SYNDIG1: variants seen among roughly 807,000 people sequenced by gnomAD.
SYNDIG1 encodes the protein synapse differentiation-inducing gene protein 1.
A neutral mutation model predicts 19.4 loss-of-function variants in SYNDIG1; 9 were observed. The observed-to-expected ratio is 0.46, with a 90% CI of 0.28 to 0.81. SYNDIG1 has a LOEUF of 0.81. Among genes scored for constraint, SYNDIG1 ranks in the 30% least tolerant of loss-of-function variants. The probability of loss-of-function intolerance (pLI) is 0.12; values close to 1 mark genes in which losing one functional copy is unlikely to be tolerated. For synonymous variants in SYNDIG1, 141 were observed against 145.9 expected (o/e 0.97, Z 0.24); for missense variants, 311 against 343.3 (o/e 0.91, Z 0.74).
chr20:24,582,156 A>C (rs1445462753), intron 2 of SYNDIG1, among the ~76,000 whole-genome samples: 48 of 46,042 alleles, frequency 1.0e-3, no homozygotes, highest in Admixed American at 1.4e-3. Context: ...CTCCCTCCCC[A>C]CTGCACTCCC....
At chr20:24,596,184 C>G (rs531174718) in intron 3 of SYNDIG1, among the ~76,000 whole-genome samples, 175 of 152,210 alleles carry the variant, frequency 1.1e-3, no homozygotes, top group Middle Eastern at 6.8e-3. Flanking sequence ...TCAAAGAATT[C>G]CTTGATTTCT....
At chr20:24,512,278 A>G (rs750598992) in intron 1 of SYNDIG1, among the ~76,000 whole-genome samples, 2 of 151,126 alleles carry the variant, frequency 1.3e-5, no homozygotes, top group Non-Finnish European at 2.9e-5. Flanking sequence ...ACTGGGGATC[A>G]TCGGACAGTG....
chr20:24,508,990 C>G (rs1236431489), intron 1 of SYNDIG1, among the ~76,000 whole-genome samples: 1 of 152,166 alleles, frequency 6.6e-6, no homozygotes, highest in Non-Finnish European at 1.5e-5. Context: ...AACATGGAGT[C>G]AAAAGACCAT....
intron 2 of SYNDIG1, among the ~76,000 whole-genome samples, chr20:24,583,346 C>T (rs2058361120): frequency 6.6e-6 from 1 of 152,164 alleles, no homozygotes; most frequent in Non-Finnish European, 1.5e-5. Flanking sequence ...AAGAAATGGC[C>T]CTGACACTGC....
chr20:24,471,332 G>C (rs1013768341), intron 1 of SYNDIG1, among the ~76,000 whole-genome samples: 1 of 152,032 alleles, frequency 6.6e-6, no homozygotes, highest in African/African-American at 2.4e-5. Flanking sequence ...GTTCTGGCGC[G>C]GACAGGAAGA....
chr20:24,594,005 T>C (rs535622329), intron 3 of SYNDIG1, among the ~76,000 whole-genome samples: 7 of 152,354 alleles, frequency 4.6e-5, no homozygotes, highest in African/African-American at 1.7e-4. Context: ...TGTGGAACAT[T>C]TCTTTTGCTG....
At chr20:24,576,436 T>C (rs2058228894) in intron 2 of SYNDIG1, among the ~76,000 whole-genome samples, 3 of 152,232 alleles carry the variant, frequency 2.0e-5, no homozygotes, top group Admixed American at 2.0e-4. Context: ...GTTGAGCGTT[T>C]CTGCTGTACC....
chr20:24,525,837 G>T (rs757068315), intron 1 of SYNDIG1, among the ~76,000 whole-genome samples: 13 of 152,154 alleles, frequency 8.5e-5, no homozygotes, highest in Non-Finnish European at 1.3e-4. Flanking sequence ...GTCTCCTGTT[G>T]TGATGGTGAA....
In SYNDIG1 at chr20:24,504,725, G is replaced by C. The variant is rs1427383574; in HGVS notation, c.-79+34972G>C. Among the ~76,000 whole-genome samples, 3 of 152,354 alleles carry C rather than the reference G, an allele frequency of 2.0e-5. No individual in the cohort carries two copies. In the South Asian group the frequency reaches 6.2e-4, roughly 32 times the overall value. On this transcript the variant is annotated intron_variant, in intron 1 of 3. Coordinates refer to ENST00000376862, the MANE Select transcript of SYNDIG1 (RefSeq NM_024893.3). ...CACGAGGGAACATAGAGAGTTGGGA[G>C]ATGTCAGAGTTGAGACGGAGACTAA...
intron 2 of SYNDIG1, among the ~76,000 whole-genome samples, chr20:24,548,397 G>A (rs2057633547): frequency 6.6e-6 from 1 of 152,240 alleles, no homozygotes; most frequent in Admixed American, 6.5e-5. Context: ...AGGCCTTCCA[G>A]TCTGTCTTCC....
intron 3 of SYNDIG1, among the ~76,000 whole-genome samples, chr20:24,654,763 AGG>A (rs1195342505): frequency 1.3e-5 from 2 of 152,184 alleles, no homozygotes; most frequent in Non-Finnish European, 2.9e-5. Context: ...CCCAGGTGGC[AGG>A]GGACTCCACC....
At chr20:24,643,257 T>C (rs1233423549) in intron 3 of SYNDIG1, among the ~76,000 whole-genome samples, 1 of 152,240 alleles carries the variant, frequency 6.6e-6, no homozygotes, top group African/African-American at 2.4e-5. Flanking sequence ...ACTTAATTGT[T>C]CATTTCCAGT....
At chr20:24,570,308 A>G (rs1411767923) in intron 2 of SYNDIG1, among the ~76,000 whole-genome samples, 1 of 152,246 alleles carries the variant, frequency 6.6e-6, no homozygotes, top group Non-Finnish European at 1.5e-5. Flanking sequence ...AATTTTACTT[A>G]ATCAAAATTA....
intron 3 of SYNDIG1, among the ~76,000 whole-genome samples, chr20:24,660,553 G>C (rs982779399): frequency 5.9e-5 from 9 of 152,226 alleles, no homozygotes; most frequent in African/African-American, 2.2e-4. Flanking sequence ...CACAGTGTCT[G>C]CCCCTGTGGA....
chr20:24,553,581 G>T (rs929124604), intron 2 of SYNDIG1, among the ~76,000 whole-genome samples: 3 of 152,128 alleles, frequency 2.0e-5, no homozygotes, highest in Non-Finnish European at 2.9e-5. Flanking sequence ...CTTCCCCATT[G>T]CTTGTTTTTC....
chr20:24,580,590 G>A (rs1176542315), intron 2 of SYNDIG1, among the ~76,000 whole-genome samples: 1 of 151,990 alleles, frequency 6.6e-6, no homozygotes, highest in Non-Finnish European at 1.5e-5. Flanking sequence ...TATTTTTTTA[G>A]TAGAGACAGG....
chr20:24,614,754 T>A (rs2058903537), intron 3 of SYNDIG1, among the ~76,000 whole-genome samples: 1 of 152,186 alleles, frequency 6.6e-6, no homozygotes, highest in South Asian at 2.1e-4. Flanking sequence ...AAAGTGCTAA[T>A]TATTGACAAA....
At chr20:24,649,971 T>A (rs1238517116) in intron 3 of SYNDIG1, among the ~76,000 whole-genome samples, 1 of 152,220 alleles carries the variant, frequency 6.6e-6, no homozygotes, top group East Asian at 1.9e-4. Flanking sequence ...CATACACTCA[T>A]CTTTAATACA....
At chr20:24,594,894 A>G (rs534478363) in intron 3 of SYNDIG1, among the ~76,000 whole-genome samples, 1 of 152,326 alleles carries the variant, frequency 6.6e-6, no homozygotes, top group South Asian at 2.1e-4. Context: ...GAAGTTATTT[A>G]TCAGATCTAG....
Sources: allele counts gnomAD v4.1 joint callset (sites outside exome capture counted in the v4.1 genomes callset), GRCh38; gene constraint gnomAD v4.1.1; transcripts MANE v1.5; gene names NCBI Gene and HGNC (gene_info 2026-07-23, HGNC 2026-07-21).